Variants in CPVL observed in about 807,000 individuals in gnomAD.
CPVL encodes probable serine carboxypeptidase CPVL.
A neutral mutation model predicts 63.7 loss-of-function variants in CPVL; 51 were observed. That is an observed-to-expected ratio of 0.80 (90% CI 0.64 to 1.01). The LOEUF is 1.01. Among genes scored for constraint, CPVL ranks in the 50% least tolerant of loss-of-function variants. The pLI is 0.00. For synonymous variants in CPVL, 195 were observed against 206.0 expected, an observed-to-expected ratio of 0.95 and a Z score of 0.46; for missense variants, 530 against 573.1, an observed-to-expected ratio of 0.92 and a Z score of 0.77.
rs202049242 is a variant in CPVL at position 29,089,233 on chromosome 7, A to G, written c.543-2683T>C. Among the ~76,000 whole-genome samples, 923 of 152,300 alleles carry G rather than the reference A, an allele frequency of 6.1e-3. 11 individuals carry two copies. The highest frequency in any genetic ancestry group is 0.021 in the African/African-American group (870 of 41,554). ...TGACTAGGAGAAAATTATTCCTCAG[A>G]TAAGTTTTTAAACAGAGATTGGGTG... On this transcript the variant is annotated intron_variant, in intron 6 of 12. Transcript: ENST00000265394.
At chr7:29,015,085 G>C (rs1786266471) in intron 12 of CPVL, among the ~76,000 whole-genome samples, 1 of 152,196 alleles carries the variant, frequency 6.6e-6, no homozygotes, top group South Asian at 2.1e-4. Flanking sequence ...ACAAACAAAA[G>C]TTAATGTGAG....
At chr7:29,189,434 A>G (rs1799125762) in intron 1 of CPVL, among the ~76,000 whole-genome samples, 1 of 151,944 alleles carries the variant, frequency 6.6e-6, no homozygotes, top group African/African-American at 2.4e-5. Context: ...AGCCATAGGA[A>G]CCCCCGCAGA....
At chr7:29,183,666 C>A (rs889674468) in intron 4 of CPVL, among the ~76,000 whole-genome samples, 1 of 152,070 alleles carries the variant, frequency 6.6e-6, no homozygotes, top group Non-Finnish European at 1.5e-5. Context: ...TGTGAGCCAC[C>A]ACACCTGGCC....
At chr7:28,995,059 A>T (rs1783941426), downstream of CPVL, among the ~76,000 whole-genome samples, 1 of 152,190 alleles carries the variant, frequency 6.6e-6, no homozygotes, top group African/African-American at 2.4e-5. Flanking sequence ...TGGGGAAAAG[A>T]AGTAGAGAAT....
intron 4 of CPVL, among the ~76,000 whole-genome samples, chr7:29,183,551 A>AT (rs1798333440): frequency 6.6e-6 from 1 of 150,928 alleles, no homozygotes; most frequent in Admixed American, 6.6e-5. Flanking sequence ...TAACTTTTGT[A>AT]TTTTTAGTAG....
At chr7:29,027,010 C>A (rs317743) in intron 12 of CPVL, among the ~76,000 whole-genome samples, 2 of 151,980 alleles carry the variant, frequency 1.3e-5, no homozygotes, top group Non-Finnish European at 2.9e-5. Context: ...CATCCTGATA[C>A]GAAAACCAGA....
chr7:29,191,873 G>A (rs1227823157), intron 1 of CPVL: 2 of 152,322 alleles, frequency 1.3e-5, no homozygotes, highest in Middle Eastern at 3.4e-3. Context: ...ACCAAAGAGG[G>A]ATGTTAGCAT....
In CPVL at chr7:29,085,749, C is replaced by G. The variant is rs576910822; in HGVS notation, c.609+735G>C. Reference sequence around the variant, plus strand: ...CAGTGGGACAAACTGACTTCATGTGCCTCCTGATGTGACACACCAGAAAGT... The same window carrying G: ...CAGTGGGACAAACTGACTTCATGTGGCTCCTGATGTGACACACCAGAAAGT... On this transcript the variant is annotated intron_variant, in intron 7 of 12. Coordinates refer to ENST00000265394, the MANE Select transcript of CPVL (RefSeq NM_031311.5). Among the ~76,000 whole-genome samples the G allele has an allele frequency of 2.0e-5, 3 of 152,318 alleles. No individual in the cohort carries two copies. In the East Asian group the frequency reaches 5.8e-4, roughly 29 times the overall value.
intron 3 of CPVL, among the ~76,000 whole-genome samples, chr7:29,100,774 A>C (rs1425430350): frequency 6.6e-6 from 1 of 152,230 alleles, no homozygotes; most frequent in Non-Finnish European, 1.5e-5. Flanking sequence ...GAGGTGAATG[A>C]GGCTCAATAA....
intron 11 of CPVL, among the ~76,000 whole-genome samples, chr7:29,034,464 G>A (rs1788325558): frequency 6.6e-6 from 1 of 151,722 alleles, no homozygotes; most frequent in African/African-American, 2.4e-5. Flanking sequence ...AAGTTCAGGG[G>A]TATATGTGCA....
At chr7:29,149,249 A>C (rs144732368), upstream of CPVL, among the ~76,000 whole-genome samples, 1 of 137,516 alleles carries the variant, frequency 7.3e-6, no homozygotes, top group Non-Finnish European at 1.5e-5. Context: ...CTGGACTGCA[A>C]TGTCGCAATC....
At chr7:29,128,714 C>CAAAAA (rs60764606) in intron 1 of CPVL, among the ~76,000 whole-genome samples, 1 of 133,400 alleles carries the variant, frequency 7.5e-6, no homozygotes, top group Non-Finnish European at 1.6e-5. Context: ...GACTCTGTCT[C>CAAAAA]AAAAAAAAAA....
chr7:29,029,409 C>T (rs1363886884), intron 12 of CPVL, among the ~76,000 whole-genome samples: 1 of 152,078 alleles, frequency 6.6e-6, no homozygotes, highest in African/African-American at 2.4e-5. Flanking sequence ...CCTAAGTGTC[C>T]ATCAACAGAT....
intron 6 of CPVL, among the ~76,000 whole-genome samples, chr7:29,089,186 A>T (rs1785519084): frequency 6.6e-6 from 1 of 152,196 alleles, no homozygotes; most frequent in Non-Finnish European, 1.5e-5. Flanking sequence ...GACCAAAAAG[A>T]GAAACAGATT....
In CPVL at chr7:29,119,411, C is replaced by T. The variant is rs997719099; in HGVS notation, c.169+1482G>A. The stretch of plus-strand genomic sequence containing the variant: ...CTGAGGCAGGAGAATCGCTTGAACG[C>T]AGGAGGTGCAGAGCGCAGTGAGCCG... On this transcript the variant is annotated intron_variant, in intron 2 of 12. Coordinates refer to ENST00000265394, the MANE Select transcript of CPVL (RefSeq NM_031311.5). 2.0e-5 allele frequency among the ~76,000 whole-genome samples: 3 copies of T among 148,508 alleles called. No individual in the cohort carries two copies. The East Asian group carries it at 6.1e-4, about 30-fold the overall frequency.
intron 11 of CPVL, among the ~76,000 whole-genome samples, chr7:29,045,125 C>T (rs1048900500): frequency 1.3e-5 from 2 of 152,058 alleles, no homozygotes; most frequent in African/African-American, 4.8e-5. Context: ...CAAACACACA[C>T]GGGTTATCAT....
At chr7:29,016,881 A>C (rs1271457827) in intron 12 of CPVL, among the ~76,000 whole-genome samples, 1 of 152,232 alleles carries the variant, frequency 6.6e-6, no homozygotes, top group Non-Finnish European at 1.5e-5. Flanking sequence ...AATATCAAGA[A>C]GGTGGACGTA....
intron 7 of CPVL, among the ~76,000 whole-genome samples, chr7:29,074,957 CA>C (rs1370313014): frequency 6.6e-6 from 1 of 151,960 alleles, no homozygotes; most frequent in Non-Finnish European, 1.5e-5. Flanking sequence ...TTGCCTAGCA[CA>C]AAATAGGTAA....
At chr7:29,079,861 C>A (rs1784532359) in intron 7 of CPVL, among the ~76,000 whole-genome samples, 1 of 152,170 alleles carries the variant, frequency 6.6e-6, no homozygotes, top group Non-Finnish European at 1.5e-5. Flanking sequence ...CAAATGCAAA[C>A]ATGTTGAGAG....
Sources: allele counts gnomAD v4.1 joint callset (sites outside exome capture counted in the v4.1 genomes callset), GRCh38; gene constraint gnomAD v4.1.1; transcripts MANE v1.5; gene names NCBI Gene and HGNC (gene_info 2026-07-23, HGNC 2026-07-21).